Variants in PTPRG observed in about 807,000 individuals in gnomAD.
PTPRG encodes the protein protein tyrosine phosphatase receptor type G.
Under a neutral mutation model 165.3 loss-of-function variants are expected in PTPRG, and 102 were observed. The observed-to-expected ratio is 0.62, with a 90% confidence interval of 0.53 to 0.73. The LOEUF is 0.73. Ranked by LOEUF, PTPRG falls within the 30% of genes least tolerant of loss-of-function variation. The probability of loss-of-function intolerance (pLI) is 0.00; values close to 1 mark genes in which losing one functional copy is unlikely to be tolerated. For synonymous variants in PTPRG, 675 were observed against 669.5 expected, an observed-to-expected ratio of 1.01 and a Z score of -0.13; for missense variants, 1,866 against 1,861.4, an observed-to-expected ratio of 1.00 and a Z score of -0.05.
intron 5 of PTPRG, among the ~76,000 whole-genome samples, chr3:62,082,794 C>T (rs556699741): frequency 1.8e-4 from 28 of 152,330 alleles, no homozygotes; most frequent in East Asian, 1.3e-3. Flanking sequence ...GTGTGGAAGA[C>T]GGTGAATCAG....
chr3:61,944,616 G>A (rs1054926176), intron 2 of PTPRG, among the ~76,000 whole-genome samples: 2 of 152,080 alleles, frequency 1.3e-5, no homozygotes, highest in East Asian at 1.9e-4. Flanking sequence ...TTGTGAGTTC[G>A]AGATCGTTGG....
In PTPRG at chr3:62,252,072, T is replaced by G. The variant is rs1172392761; in HGVS notation, c.2468-3052T>G. ...TTAATCTGTTGTCAGTGAAAACATCTTCACTTTGATTCCAGCCCCTTTTTT... is the reference window on the plus strand; with the variant it reads ...TTAATCTGTTGTCAGTGAAAACATCGTCACTTTGATTCCAGCCCCTTTTTT... On this transcript the variant is annotated intron_variant, in intron 15 of 29. Coordinates refer to ENST00000474889, the MANE Select transcript of PTPRG (RefSeq NM_002841.4). The surrounding 1 kb of genome is among the most constrained non-coding windows in gnomAD (Gnocchi z 4.6). 6.6e-6 allele frequency among the ~76,000 whole-genome samples: 1 copy of G among 152,192 alleles called. No individual in the cohort carries two copies. Among genetic ancestry groups the G allele is most frequent in the Non-Finnish European group, 1.5e-5 (1 of 68,032 alleles).
chr3:62,107,810 A>T (rs1293311086), intron 5 of PTPRG, among the ~76,000 whole-genome samples: 1 of 142,656 alleles, frequency 7.0e-6, no homozygotes, highest in Non-Finnish European at 1.5e-5. Flanking sequence ...CAATGTACTA[A>T]CTACTTACTA....
At chr3:62,021,337 G>A (rs1441308379) in intron 4 of PTPRG, among the ~76,000 whole-genome samples, 1 of 152,166 alleles carries the variant, frequency 6.6e-6, no homozygotes, top group Non-Finnish European at 1.5e-5. Flanking sequence ...ATAGGAGCCA[G>A]GTGTATATGA....
chr3:62,099,143 T>C (rs1320681520), intron 5 of PTPRG, among the ~76,000 whole-genome samples: 2 of 152,238 alleles, frequency 1.3e-5, no homozygotes, highest in Non-Finnish European at 2.9e-5. Flanking sequence ...AGTGGGGCTC[T>C]TGTCCAGGAT....
intron 12 of PTPRG, among the ~76,000 whole-genome samples, chr3:62,207,010 A>C (rs1370987476): frequency 6.6e-6 from 1 of 151,982 alleles, no homozygotes; most frequent in Non-Finnish European, 1.5e-5. Flanking sequence ...CAAAGTGAGA[A>C]GGTCCACTTC....
chr3:61,697,444 C>T (rs943399691), intron 1 of PTPRG, among the ~76,000 whole-genome samples: 8 of 152,164 alleles, frequency 5.3e-5, no homozygotes, highest in African/African-American at 1.4e-4. Flanking sequence ...AAAATAAATG[C>T]AATGGTCTTA....
At chr3:62,073,364 CATT>C (rs1425005354) in intron 4 of PTPRG, among the ~76,000 whole-genome samples, 3 of 152,150 alleles carry the variant, frequency 2.0e-5, no homozygotes, top group Admixed American at 1.3e-4. Flanking sequence ...AAATTAATAA[CATT>C]ATAGTGGAGA....
chr3:61,751,386 G>C (rs2033424959), intron 2 of PTPRG, among the ~76,000 whole-genome samples: 1 of 152,152 alleles, frequency 6.6e-6, no homozygotes, highest in South Asian at 2.1e-4. Context: ...TTTTTTATGA[G>C]GGAAGTGTTT....
chr3:62,180,197 A>G (rs985056690), intron 8 of PTPRG, among the ~76,000 whole-genome samples: 4 of 152,192 alleles, frequency 2.6e-5, no homozygotes, highest in African/African-American at 7.2e-5. Flanking sequence ...TGATTTCCTG[A>G]CGTGGCTGTT....
At chr3:61,813,045 G>C (rs949848780) in intron 2 of PTPRG, among the ~76,000 whole-genome samples, 3 of 151,224 alleles carry the variant, frequency 2.0e-5, no homozygotes, top group East Asian at 3.9e-4. Flanking sequence ...ACCAATTGTT[G>C]TTTGGGAAAG....
At chr3:61,864,688 C>T (rs2037357696) in intron 2 of PTPRG, among the ~76,000 whole-genome samples, 1 of 148,382 alleles carries the variant, frequency 6.7e-6, no homozygotes, top group Admixed American at 6.7e-5. Context: ...TCACCAGCCA[C>T]CTGGAGCATT....
chr3:62,003,817 C>G (rs549238056), intron 4 of PTPRG, among the ~76,000 whole-genome samples: 1 of 152,104 alleles, frequency 6.6e-6, no homozygotes, highest in Non-Finnish European at 1.5e-5. Flanking sequence ...ACATTTTGTA[C>G]GAAACTGGGT....
intron 1 of PTPRG, among the ~76,000 whole-genome samples, chr3:61,715,216 TTTTG>T (rs1229993287): frequency 7.9e-5 from 12 of 151,840 alleles, no homozygotes; most frequent in Non-Finnish European, 1.6e-4. Flanking sequence ...GAGCTTATTT[TTTTG>T]TTTGTTTGTT....
chr3:61,572,852 G>A (rs192720472), intron 1 of PTPRG, among the ~76,000 whole-genome samples: 83 of 152,322 alleles, frequency 5.4e-4, no homozygotes, highest in Admixed American at 1.5e-3. Flanking sequence ...CTGGTCCCTG[G>A]AGGTGTTTGT....
intron 5 of PTPRG, among the ~76,000 whole-genome samples, chr3:62,128,160 G>A (rs1040427651): frequency 2.6e-5 from 4 of 152,084 alleles, no homozygotes; most frequent in African/African-American, 9.7e-5. Context: ...CTAATGCCAC[G>A]AAAGCTGCTC....
At chr3:62,079,730 G>A (rs1022180566) in intron 5 of PTPRG, among the ~76,000 whole-genome samples, 1 of 152,198 alleles carries the variant, frequency 6.6e-6, no homozygotes, top group Non-Finnish European at 1.5e-5. Flanking sequence ...ATTCACTGGA[G>A]TCAAGATACT....
At chr3:61,620,862 C>G (rs1350109098) in intron 1 of PTPRG, among the ~76,000 whole-genome samples, 1 of 151,874 alleles carries the variant, frequency 6.6e-6, no homozygotes, top group Admixed American at 6.6e-5. Flanking sequence ...CTCCTGACCT[C>G]TGGTGATCCT....
chr3:61,627,103 AT>A (rs11411048), intron 1 of PTPRG, among the ~76,000 whole-genome samples: 5 of 150,006 alleles, frequency 3.3e-5, no homozygotes, highest in East Asian at 3.9e-4. Context: ...TTAAAAGCAA[AT>A]TTTTTTTTTT....
Sources: allele counts gnomAD v4.1 joint callset (sites outside exome capture counted in the v4.1 genomes callset), GRCh38; gene constraint gnomAD v4.1.1; non-coding constraint Gnocchi (gnomAD v3.1); transcripts MANE v1.5; gene names NCBI Gene and HGNC (gene_info 2026-07-23, HGNC 2026-07-21).